The following CBFB variants were observed in gnomAD, a reference collection of about 807,000 sequenced individuals.
CBFB encodes the protein core-binding factor subunit beta, also known as CBF-beta.
A neutral mutation model predicts 30.4 loss-of-function variants in CBFB; 9 were observed. The ratio of observed to expected loss-of-function variants is 0.30; its 90% CI spans 0.18 to 0.52. The LOEUF (loss-of-function observed/expected upper bound fraction) is 0.52. CBFB is among the 20% of genes least tolerant of loss of function. The pLI is 0.97. For synonymous variants in CBFB, 94 were observed against 84.0 expected (o/e 1.12, Z -0.65); for missense variants, 170 against 244.0 (o/e 0.70, Z 2.02).
chr16:67,082,178 CA>C, intron 4 of CBFB, 34 bp from the exon 5 acceptor site: 1 of 1,316,038 alleles, frequency 7.6e-7, no homozygotes, highest in Non-Finnish European at 1.0e-6. Context: ...TTTTATAAAT[CA>C]AAATTAAAAT....
At chr16:67,094,272 C>T (rs1289770416) in intron 5 of CBFB, among the ~76,000 whole-genome samples, 1 of 151,916 alleles carries the variant, frequency 6.6e-6, no homozygotes, top group African/African-American at 2.4e-5. Context: ...CATTTTTGTT[C>T]CTACTCTTGA....
intron 3 of CBFB, among the ~76,000 whole-genome samples, chr16:67,042,228 T>A (rs1290717901): frequency 3.3e-5 from 5 of 152,148 alleles, no homozygotes; most frequent in Non-Finnish European, 7.3e-5. Flanking sequence ...CCAGGCTTTT[T>A]AAAAAATCAT....
chr16:67,074,966 G>A (rs1020373615), intron 4 of CBFB, among the ~76,000 whole-genome samples: 11 of 152,112 alleles, frequency 7.2e-5, no homozygotes, highest in African/African-American at 2.4e-5. Context: ...GCCAAGGTGG[G>A]CAGATCACTT....
chr16:67,082,114 C>T lies in CBFB; in HGVS notation c.400-99C>T, dbSNP rs141348397. 1,054 of 985,426 alleles carry T rather than the reference C, an allele frequency of 1.1e-3. 5 individuals are homozygous for T. Among genetic ancestry groups the T allele is most frequent in the African/African-American group, 0.011 (627 of 58,660 alleles). The allele number at this position is 985,426 out of a possible 1,614,324, so 61.0% of individuals were successfully genotyped here. On this transcript the variant is annotated intron_variant, in intron 4 of 5. Transcript: ENST00000412916. ...GATTACAGGCGTGAGCCACTGCGCC[C>T]GGCCACTGTTTCAGGAAAAAAAAAA...
chr16:67,039,462 G>A (rs897179236), intron 3 of CBFB, among the ~76,000 whole-genome samples: 15 of 152,040 alleles, frequency 9.9e-5, no homozygotes, highest in Admixed American at 3.3e-4. Flanking sequence ...TGCTTAGGCC[G>A]CACTAAATCT....
At chr16:67,076,008 G>T (rs996960057) in intron 4 of CBFB, among the ~76,000 whole-genome samples, 2 of 152,314 alleles carry the variant, frequency 1.3e-5, no homozygotes, top group Admixed American at 6.5e-5. Context: ...AAGGTGGGCA[G>T]ATCACAAGGT....
At position 67,054,020 on chromosome 16, in the gene CBFB, A is replaced by G. The variant is rs1041405119; in HGVS notation, c.283-12662A>G. Among the ~76,000 whole-genome samples, 12 of 151,930 alleles carry G rather than the reference A, an allele frequency of 7.9e-5. 1 individual carries two copies. Among genetic ancestry groups the G allele is most frequent in the Non-Finnish European group, 1.5e-4 (10 of 68,002 alleles). ...GCATTTTGCCCTCAGGATCTTGGTG[A>G]TGACCATCCTCAGAATGTCCATCTC... On this transcript the variant is annotated intron_variant, in intron 3 of 5. Transcript: ENST00000412916.
At chr16:67,076,816 G>A (rs1248961650) in intron 4 of CBFB, among the ~76,000 whole-genome samples, 2 of 152,118 alleles carry the variant, frequency 1.3e-5, no homozygotes, top group South Asian at 2.1e-4. Context: ...CCAAAAGAAG[G>A]TCATTGTTAT....
chr16:67,066,393 C>CAAAAAAAAAAAAAAAAAAAAAAAAAAAA (rs56360240), intron 3 of CBFB, among the ~76,000 whole-genome samples: 2 of 96,034 alleles, frequency 2.1e-5, no homozygotes, highest in Admixed American at 1.1e-4. Context: ...ACTAAAAATA[C>CAAAAAAAAAAAAAAAAAAAAAAAAAAAA]AAAAAAAAAA....
At chr16:67,049,256 T>C (rs980051746) in intron 3 of CBFB, among the ~76,000 whole-genome samples, 3 of 152,072 alleles carry the variant, frequency 2.0e-5, no homozygotes, top group African/African-American at 7.2e-5. Context: ...CAGGCTGGAG[T>C]GCAGTGGCGC....
chr16:67,053,581 C>G (rs928811892), intron 3 of CBFB, among the ~76,000 whole-genome samples: 2 of 151,866 alleles, frequency 1.3e-5, no homozygotes, highest in African/African-American at 4.8e-5. Flanking sequence ...AGATGCAGCT[C>G]CTAGAAGATG....
rs565993310 is a variant in CBFB, at chr16:67,098,918, A to G, written c.*140A>G. ...TTCTCAACCTTAGGCAGTAATAGAC[A>G]TCACAAACTGCCATGGTTTTGCACT... On this transcript the variant is annotated 3_prime_UTR_variant, in exon 6 of 6. Transcript: ENST00000412916. The G allele has an allele frequency of 1.7e-4, 101 of 582,782 alleles. 3 individuals carry two copies. The South Asian group carries it at 2.2e-3, about 13-fold the overall frequency. The allele number at this position is 582,782 out of a possible 1,614,324, so 36.1% of individuals were successfully genotyped here.
chr16:67,039,717 GT>G (rs1209561915), intron 3 of CBFB, among the ~76,000 whole-genome samples: 2 of 151,536 alleles, frequency 1.3e-5, no homozygotes, highest in Non-Finnish European at 1.5e-5. Flanking sequence ...GGTTTTAGAA[GT>G]TTTTTTTTCT....
At chr16:67,065,669 G>A (rs955545403) in intron 3 of CBFB, among the ~76,000 whole-genome samples, 9 of 152,036 alleles carry the variant, frequency 5.9e-5, no homozygotes, top group African/African-American at 2.2e-4. Context: ...TTAGCCACTG[G>A]TGCCTAGCCT....
chr16:67,082,675 G>T (rs974219228), intron 5 of CBFB, among the ~76,000 whole-genome samples: 1 of 151,704 alleles, frequency 6.6e-6, no homozygotes, highest in East Asian at 1.9e-4. Flanking sequence ...ATTAAAACTC[G>T]AGTAATACTA....
chr16:67,091,772 G>T (rs568030063), intron 5 of CBFB, among the ~76,000 whole-genome samples: 1 of 151,922 alleles, frequency 6.6e-6, no homozygotes, highest in Non-Finnish European at 1.5e-5. Context: ...TGATACATGC[G>T]CAGAATGTGC....
chr16:67,099,408 C>T lies in CBFB; in HGVS notation c.*630C>T, dbSNP rs1962152860. The T allele has an allele frequency of 4.6e-6, 1 of 216,178 alleles. No individual in the cohort carries two copies. Among genetic ancestry groups the T allele is most frequent in the Admixed American group, 5.8e-5 (1 of 17,164 alleles). The allele number at this position is 216,178 out of a possible 1,614,324, so 13.4% of individuals were successfully genotyped here. A position where few individuals can be genotyped will look rare whatever the true frequency, so the allele number is the denominator to read the frequency against. On this transcript the variant is annotated 3_prime_UTR_variant, in exon 6 of 6. Coordinates refer to ENST00000412916, the MANE Select transcript of CBFB (RefSeq NM_022845.3). ...CAGTATCCTTTTAAATGCTAGTAAT[C>T]AGCACTCTTTCTTTTTTTTTTTTTT...
chr16:67,098,930 C>A lies in CBFB; in HGVS notation c.*152C>A. On this transcript the variant is annotated 3_prime_UTR_variant, in exon 6 of 6. Transcript: ENST00000412916. Reference sequence around the variant, plus strand: ...GGCAGTAATAGACATCACAAACTGCCATGGTTTTGCACTATGATTATAATA... The same window carrying A: ...GGCAGTAATAGACATCACAAACTGCAATGGTTTTGCACTATGATTATAATA... 1 of 550,442 alleles carries A rather than the reference C, an allele frequency of 1.8e-6. No homozygotes were observed. The highest frequency in any genetic ancestry group is 3.0e-5 in the East Asian group (1 of 33,284). The allele number at this position is 550,442 out of a possible 1,614,324, so 34.1% of individuals were successfully genotyped here.
chr16:67,083,186 T>C (rs1961620084), intron 5 of CBFB, among the ~76,000 whole-genome samples: 1 of 151,986 alleles, frequency 6.6e-6, no homozygotes, highest in African/African-American at 2.4e-5. Flanking sequence ...CTTTAGGAAA[T>C]AAATAAATAA....
Sources: gnomAD v4.1 joint callset for allele counts (sites outside exome capture counted in the v4.1 genomes callset) on GRCh38, gnomAD v4.1.1 for gene constraint, MANE v1.5 for transcripts, NCBI Gene and HGNC (gene_info 2026-07-23, HGNC 2026-07-21) for gene names.